The following SETD6 variants were observed in gnomAD, a reference collection of about 807,000 sequenced individuals.
SETD6 encodes the protein SET domain containing 6, protein lysine methyltransferase, also known as N-lysine methyltransferase SETD6.
Under a neutral mutation model 52.7 loss-of-function variants are expected in SETD6, and 67 were observed. The ratio of observed to expected loss-of-function variants is 1.27; its 90% CI spans 1.04 to 1.56. The LOEUF (loss-of-function observed/expected upper bound fraction) is 1.56, where lower values mean the gene tolerates loss of function less well. Among genes scored for constraint, SETD6 ranks in the 40% most tolerant of loss-of-function variants. The pLI is 0.00. For synonymous variants in SETD6, 307 were observed against 250.2 expected (o/e 1.23, Z -2.14); for missense variants, 712 against 607.5 (o/e 1.17, Z -1.81).
chr16:58,518,678 T>C, intron 7 of SETD6, 46 bp from the exon 8 acceptor site: 1 of 1,600,204 alleles, frequency 6.2e-7, no homozygotes, highest in African/African-American at 1.4e-5. Context: ...ATTTCAGAAG[T>C]ACAAAAGCAG....
In SETD6 at chr16:58,521,297, A is replaced by G; in HGVS notation, c.*2268A>G. 1 of 1,611,950 alleles carries G rather than the reference A, an allele frequency of 6.2e-7. No homozygotes were observed. Among genetic ancestry groups the G allele is most frequent in the Non-Finnish European group, 8.5e-7 (1 of 1,179,544 alleles). ...ACCCCAAGGATGTGGCCTATTTACA[A>G]TCAACCGTTCCAAGAGAACTCTGGA... On this transcript the variant is annotated 3_prime_UTR_variant, in exon 8 of 8. Transcript: ENST00000219315.
chr16:58,518,320 C>G, intron 6 of SETD6, 81 bp from the exon 7 acceptor site: 2 of 1,597,578 alleles, frequency 1.3e-6, no homozygotes, highest in South Asian at 1.1e-5. Context: ...TAGCAGTTGA[C>G]TTTGTAGACT....
rs2039280054 is a variant in SETD6 at position 58,519,302 on chromosome 16, T to A, written c.*273T>A. ...TTAACCAAAGCCAGTGGACATACGG[T>A]AGTAATAAGTAAGTCTTGTTGTGTT... On this transcript the variant is annotated 3_prime_UTR_variant, in exon 8 of 8. Coordinates refer to ENST00000219315, the MANE Select transcript of SETD6 (RefSeq NM_001160305.4). The A allele has an allele frequency of 2.7e-6, 1 of 375,254 alleles. No individual in the cohort carries two copies. The highest frequency in any genetic ancestry group is 4.8e-6 in the Non-Finnish European group (1 of 207,442). 23.2% of individuals were successfully genotyped at this position (375,254 alleles called of 1,614,324 possible).
chr16:58,515,661 G>A, intron 1 of SETD6, 97 bp downstream of exon 1: 1 of 1,411,456 alleles, frequency 7.1e-7, no homozygotes. Flanking sequence ...TCCCTCCCGC[G>A]GGTCCCGCGC....
In SETD6 at chr16:58,522,237, C is replaced by CA. The variant is rs56149974; in HGVS notation, c.*3238dup. 2.1e-3 allele frequency among the ~76,000 whole-genome samples: 205 copies of CA among 98,574 alleles called. 17 individuals carry two copies. Among genetic ancestry groups the CA allele is most frequent in the Middle Eastern group, 6.7e-3 (1 of 150 alleles). The allele number at this position is 98,574 out of a possible 152,430, so 64.7% of individuals were successfully genotyped here. A position where few individuals can be genotyped will look rare whatever the true frequency, so the allele number is the denominator to read the frequency against. ...AGGAGGCGACAAAGCGAGACTGTCT[C>CA]AAAAAAAAAAAAAAAAAAAAAAAAA... On this transcript the variant is annotated 3_prime_UTR_variant, in exon 8 of 8. Transcript: ENST00000219315.
At position 58,523,550 on chromosome 16, in the gene SETD6, A is replaced by G. The variant is rs1017924222; in HGVS notation, c.*4521A>G. 2 of 1,593,500 alleles carry G rather than the reference A, an allele frequency of 1.3e-6. No individual in the cohort carries two copies. Among genetic ancestry groups the G allele is most frequent in the Non-Finnish European group, 1.7e-6 (2 of 1,165,374 alleles). On this transcript the variant is annotated 3_prime_UTR_variant, in exon 8 of 8. Transcript: ENST00000219315. Reference sequence around the variant, plus strand: ...TTAGGACTTAGTCTGAAAGGCCAACATGGGAAGACAGTTCTAACTGGCTAG... The same window carrying G: ...TTAGGACTTAGTCTGAAAGGCCAACGTGGGAAGACAGTTCTAACTGGCTAG...
rs766998623 is a variant in SETD6, at chr16:58,516,547, C to T, written c.546C>T (p.Ala182=). 8 of 1,614,044 alleles carry T rather than the reference C, an allele frequency of 5.0e-6. No homozygotes were observed. Among genetic ancestry groups the T allele is most frequent in the Non-Finnish European group, 6.8e-6 (8 of 1,180,020 alleles). The change falls in exon 4 of 8, where the codon GCC becomes GCT. Residue 182 remains alanine (A), a synonymous_variant. Transcript: ENST00000219315. ...CTGAGGCCGTGGAGAAGGATTTGGC[C>T]AACATCCGCAGCGAGTACCAGTCCA... ...GVPEAVEKDL[A]NIRSEYQSIV...
intron 1 of SETD6, 85 bp from the exon 2 acceptor site, chr16:58,515,706 C>T: frequency 4.3e-6 from 6 of 1,403,142 alleles, no homozygotes; most frequent in East Asian, 2.9e-5. Flanking sequence ...ACCCAAAGCC[C>T]GTTCTGCGCT....
At position 58,518,235 on chromosome 16, in the gene SETD6, AGT is replaced by A. The variant is rs1567377025; in HGVS notation, c.973+7_973+8del. 1.2e-6 allele frequency: 2 copies of A among 1,614,198 alleles called. No homozygotes were observed. Among genetic ancestry groups the A allele is most frequent in the African/African-American group, 1.3e-5 (1 of 75,062 alleles). The stretch of plus-strand genomic sequence containing the variant: ...GTTCGTGAGGCAGCATTACAGGGTG[AGT>A]GTATCATTAACTCAATATTTGACAC... On this transcript the variant is annotated splice_donor_5th_base_variant and intron_variant, in intron 6 of 7. Transcript: ENST00000219315.
chr16:58,518,890 CCA>C lies in SETD6; in HGVS notation c.1286_1287del (p.Thr429ArgfsTer5). On this transcript the variant is annotated frameshift_variant, in exon 8 of 8. Coordinates refer to ENST00000219315, the MANE Select transcript of SETD6 (RefSeq NM_001160305.4). LOFTEE classifies it high-confidence loss of function. Reference sequence around the variant, plus strand: ...GTTCTACTGACTTTGCAGACCTATGCCACAGACTTAAAAACTGACCAAGGTTT... The same window carrying C: ...GTTCTACTGACTTTGCAGACCTATGCCAGACTTAAAAACTGACCAAGGTTT... 1 of 1,614,124 alleles carries C rather than the reference CCA, an allele frequency of 6.2e-7. No individual in the cohort carries two copies. The highest frequency in any genetic ancestry group is 1.3e-5 in the African/African-American group (1 of 75,026).
In SETD6 at chr16:58,519,964, T is replaced by C. The variant is rs2039305479; in HGVS notation, c.*935T>C. ...AGTGGACTCATGTGTGTGTCATGAC[T>C]TTAATGGTTAGCTACAGTATGCATA... On this transcript the variant is annotated 3_prime_UTR_variant, in exon 8 of 8. Transcript: ENST00000219315. The C allele has an allele frequency of 6.6e-6, 1 of 152,220 alleles. No homozygotes were observed. The highest frequency in any genetic ancestry group is 2.1e-4 in the South Asian group (1 of 4,832). 9.4% of individuals were successfully genotyped at this position (152,220 alleles called of 1,614,324 possible).
chr16:58,515,505 GCGCCGGC>G (rs1283998588), upstream of SETD6: 3 of 1,572,928 alleles, frequency 1.9e-6, no homozygotes. Context: ...ACCGCGCGGT[GCGCCGGC>G]CCGCGAGGAA....
chr16:58,516,544 G>A lies in SETD6; in HGVS notation c.543G>A (p.Leu181=). The change falls in exon 4 of 8, where the codon TTG becomes TTA. Residue 181 remains leucine (L), a synonymous_variant. Coordinates refer to ENST00000219315, the MANE Select transcript of SETD6 (RefSeq NM_001160305.4). ...TACCTGAGGCCGTGGAGAAGGATTT[G>A]GCCAACATCCGCAGCGAGTACCAGT... ...TGVPEAVEKD[L]ANIRSEYQSI... The A allele has an allele frequency of 6.2e-7, 1 of 1,614,152 alleles. No individual in the cohort carries two copies. The highest frequency in any genetic ancestry group is 8.5e-7 in the Non-Finnish European group (1 of 1,180,040).
rs1275798770 is a variant in SETD6, at chr16:58,515,568, A to C, written c.27+4A>C. On this transcript the variant is annotated splice_donor_region_variant and intron_variant, in intron 1 of 7. Coordinates refer to ENST00000219315, the MANE Select transcript of SETD6 (RefSeq NM_001160305.4). Reference sequence around the variant, plus strand: ...GACCCAGGCGAAGCGTCCACGGGTGAGTGGCGGGCGCGGGGTCCAGCCTTT... The same window carrying C: ...GACCCAGGCGAAGCGTCCACGGGTGCGTGGCGGGCGCGGGGTCCAGCCTTT... 6.3e-7 allele frequency: 1 copy of C among 1,575,998 alleles called. No homozygotes were observed. The highest frequency in any genetic ancestry group is 1.8e-5 in the Admixed American group (1 of 56,028).
chr16:58,522,624 C>G lies in SETD6; in HGVS notation c.*3595C>G, dbSNP rs77229565. ...GTCTAGGCAATCTGGCAACAGATTC[C>G]TAACTATTGTTAGGAAAATGCAAGT... On this transcript the variant is annotated 3_prime_UTR_variant, in exon 8 of 8. Transcript: ENST00000219315. 5.8e-3 allele frequency among the ~76,000 whole-genome samples: 878 copies of G among 152,234 alleles called. 6 individuals carry two copies. The highest frequency in any genetic ancestry group is 7.1e-3 in the Non-Finnish European group (481 of 67,994).
In SETD6 at chr16:58,518,452, T is replaced by C; in HGVS notation, c.1025T>C (p.Leu342Pro). 6.3e-7 allele frequency: 1 copy of C among 1,587,118 alleles called. No homozygotes were observed. The highest frequency in any genetic ancestry group is 2.2e-5 in the East Asian group (1 of 44,804). The stretch of plus-strand genomic sequence containing the variant: ...CTAGTGTACGAGCGCTGGGATTTCC[T>C]ATGCAAACTGGAGATGGTAGGGGAA... ...RHLVYERWDF[L>P]CKLEMVGEEG... The change falls in exon 7 of 8, where the codon CTA (leucine) becomes CCA (proline). Residue 342 changes from leucine to proline, a missense_variant. Physicochemically the swap from Leu to Pro is moderately conservative, Grantham distance 98. Transcript: ENST00000219315.
At chr16:58,516,137 G>A in intron 2 of SETD6, 40 bp downstream of exon 2, 1 of 1,240,634 alleles carries the variant, frequency 8.1e-7, no homozygotes, top group Non-Finnish European at 1.0e-6. Context: ...GGCGGGGCGG[G>A]GCGGGGCGGG....
Position 58,519,299 on chromosome 16 carries a change from C to A in SETD6, c.*270C>A. 2.6e-6 allele frequency: 1 copy of A among 386,428 alleles called. No individual in the cohort carries two copies. The highest frequency in any genetic ancestry group is 3.6e-5 in the South Asian group (1 of 27,882). 23.9% of individuals were successfully genotyped at this position (386,428 alleles called of 1,614,324 possible). ...GTTTTAACCAAAGCCAGTGGACATA[C>A]GGTAGTAATAAGTAAGTCTTGTTGT... On this transcript the variant is annotated 3_prime_UTR_variant, in exon 8 of 8. Transcript: ENST00000219315.
At position 58,515,577 on chromosome 16, in the gene SETD6, C is replaced by A. The variant is rs569973104; in HGVS notation, c.27+13C>A. 1 of 1,561,882 alleles carries A rather than the reference C, an allele frequency of 6.4e-7. No individual in the cohort carries two copies. Among genetic ancestry groups the A allele is most frequent in the Non-Finnish European group, 8.6e-7 (1 of 1,160,316 alleles). On this transcript the variant is annotated intron_variant, in intron 1 of 7. Coordinates refer to ENST00000219315, the MANE Select transcript of SETD6 (RefSeq NM_001160305.4). ...GAAGCGTCCACGGGTGAGTGGCGGG[C>A]GCGGGGTCCAGCCTTTTCCTCCGCG...
Sources: gnomAD v4.1 joint callset for allele counts (sites outside exome capture counted in the v4.1 genomes callset) on GRCh38, gnomAD v4.1.1 for gene constraint, MANE v1.5 for transcripts, NCBI Gene and HGNC (gene_info 2026-07-23, HGNC 2026-07-21) for gene names.